Variants in DAB1 observed in about 807,000 individuals in gnomAD.
DAB1 encodes the protein DAB adaptor protein 1.
A neutral mutation model predicts 64.6 loss-of-function variants in DAB1; 15 were observed. The observed-to-expected ratio is 0.23, with a 90% CI of 0.16 to 0.36. DAB1 has a LOEUF of 0.36. Ranked by LOEUF, DAB1 falls within the 10% of genes least tolerant of loss-of-function variation. DAB1 has a pLI of 1.00. For missense variants in DAB1, 596 were observed against 706.7 expected (o/e 0.84, Z 1.78); for synonymous variants, 235 against 251.9 (o/e 0.93, Z 0.64).
intron 7 of DAB1, among the ~76,000 whole-genome samples, chr1:57,463,276 G>A (rs1290216968): frequency 6.6e-6 from 1 of 152,154 alleles, no homozygotes. Context: ...GCAAGGTTTA[G>A]AGCGAAGTGC....
At chr1:57,454,620 A>G (rs1299120432) in intron 7 of DAB1, among the ~76,000 whole-genome samples, 1 of 152,116 alleles carries the variant, frequency 6.6e-6, no homozygotes, top group Admixed American at 6.6e-5. Context: ...GAGTTTACCT[A>G]TTTAACAAAC....
intron 6 of DAB1, among the ~76,000 whole-genome samples, chr1:57,654,952 A>G (rs998198880): frequency 1.3e-5 from 2 of 152,334 alleles, no homozygotes; most frequent in Middle Eastern, 3.4e-3. Flanking sequence ...GTCAGAATTA[A>G]GTAACCTTTC....
At chr1:57,902,500 C>T (rs950975070) in intron 5 of DAB1, among the ~76,000 whole-genome samples, 7 of 152,136 alleles carry the variant, frequency 4.6e-5, no homozygotes, top group African/African-American at 1.7e-4. Flanking sequence ...GTCTCAATAA[C>T]GTCCTTTCAG....
chr1:58,236,358 A>G (rs1454594166), intron 4 of DAB1, among the ~76,000 whole-genome samples: 2 of 152,080 alleles, frequency 1.3e-5, no homozygotes, highest in East Asian at 3.9e-4. Context: ...AGGCCAACCA[A>G]TAAAACATTA....
intron 7 of DAB1, among the ~76,000 whole-genome samples, chr1:57,510,015 A>C (rs1055042978): frequency 3.3e-5 from 5 of 152,238 alleles, no homozygotes; most frequent in African/African-American, 1.2e-4. Context: ...AGGAAGTAAA[A>C]GCAAGAAGAT....
At chr1:57,268,376 T>G (rs1558057015) in intron 2 of DAB1, among the ~76,000 whole-genome samples, 1 of 152,242 alleles carries the variant, frequency 6.6e-6, no homozygotes, top group Non-Finnish European at 1.5e-5. Context: ...AATTAACATT[T>G]AAAGTGGGCT....
At chr1:57,328,691 G>T (rs1047111187) in intron 1 of DAB1, among the ~76,000 whole-genome samples, 2 of 152,130 alleles carry the variant, frequency 1.3e-5, no homozygotes, top group Non-Finnish European at 2.9e-5. Context: ...TCAATTCTAG[G>T]TCTTTTGACT....
intron 5 of DAB1, among the ~76,000 whole-genome samples, chr1:57,945,324 T>A (rs1193912774): frequency 6.6e-6 from 1 of 152,054 alleles, no homozygotes; most frequent in Non-Finnish European, 1.5e-5. Context: ...TAGTGGTTTG[T>A]TCATAGCTCA....
chr1:57,659,563 G>A (rs1030241419), intron 6 of DAB1, among the ~76,000 whole-genome samples: 10 of 152,144 alleles, frequency 6.6e-5, no homozygotes, highest in African/African-American at 2.4e-4. Context: ...CCTTGAACAA[G>A]TCACTTTCCT....
At chr1:57,238,794 G>T (rs757098289) in intron 2 of DAB1, among the ~76,000 whole-genome samples, 12 of 147,874 alleles carry the variant, frequency 8.1e-5, no homozygotes, top group Non-Finnish European at 1.8e-4. Context: ...GGGGAGAGAA[G>T]AAAAAATAAT....
intron 5 of DAB1, among the ~76,000 whole-genome samples, chr1:58,101,030 G>C (rs894462132): frequency 2.0e-5 from 3 of 152,170 alleles, no homozygotes; most frequent in Non-Finnish European, 4.4e-5. Context: ...AGAAAAGCCA[G>C]TCACAGCCGG....
rs539361107 is a variant in DAB1, at chr1:58,166,765, T to A, written n.310-16177A>T. Among the ~76,000 whole-genome samples, 305 of 146,434 alleles carry A rather than the reference T, an allele frequency of 2.1e-3. 2 individuals carry two copies. Among genetic ancestry groups the A allele is most frequent in the Non-Finnish European group, 3.5e-3 (233 of 66,788 alleles). On this transcript the variant is annotated intron_variant and non_coding_transcript_variant, in intron 4 of 20. Coordinates refer to the DAB1 transcript ENST00000485760. ...TTGTTTGTTCGTTTTTTTTTTTTTT[T>A]AATTTGAGACAGGGTCTTGCTCTGT... is the stretch of plus-strand genomic sequence containing the variant.
chr1:57,941,844 A>G lies in DAB1; in HGVS notation n.388-57682T>C, dbSNP rs1645110935. 2.0e-5 allele frequency among the ~76,000 whole-genome samples: 3 copies of G among 152,186 alleles called. No homozygotes were observed. The South Asian group carries it at 6.2e-4, about 32-fold the overall frequency. Reference sequence around the variant, plus strand: ...AGTGAGACTCCGTCTCTTAAAAAAAAAGAAAAGAAATCTAATGGGGTGGTG... The same window carrying G: ...AGTGAGACTCCGTCTCTTAAAAAAAGAGAAAAGAAATCTAATGGGGTGGTG... On this transcript the variant is annotated intron_variant and non_coding_transcript_variant, in intron 5 of 20. Transcript: ENST00000485760.
intron 6 of DAB1, among the ~76,000 whole-genome samples, chr1:57,742,938 A>G (rs1648071714): frequency 6.6e-6 from 1 of 152,170 alleles, no homozygotes; most frequent in Non-Finnish European, 1.5e-5. Flanking sequence ...AGTATGCCAT[A>G]CCCATGCCTT....
intron 7 of DAB1, among the ~76,000 whole-genome samples, chr1:57,436,070 C>T (rs952704931): frequency 3.3e-5 from 5 of 151,922 alleles, no homozygotes; most frequent in Non-Finnish European, 5.9e-5. Flanking sequence ...GCACCCGCCA[C>T]CAAAGCTGGC....
At chr1:57,458,009 A>G (rs1268084901) in intron 7 of DAB1, among the ~76,000 whole-genome samples, 2 of 152,050 alleles carry the variant, frequency 1.3e-5, no homozygotes, top group African/African-American at 2.4e-5. Flanking sequence ...ATAACAACAG[A>G]CTCACATCTA....
chr1:57,307,173 C>T (rs1294064867), intron 1 of DAB1: 1 of 152,212 alleles, frequency 6.6e-6, no homozygotes, highest in African/African-American at 2.4e-5. Context: ...TTGCCAAATA[C>T]CTTCTCTTTT....
intron 1 of DAB1, among the ~76,000 whole-genome samples, chr1:57,392,444 T>C (rs1682460686): frequency 1.3e-5 from 2 of 152,202 alleles, no homozygotes; most frequent in African/African-American, 2.4e-5. Flanking sequence ...GTTTTCTTCC[T>C]GCATTCAAAA....
chr1:57,678,768 GT>G (rs1020869562), intron 6 of DAB1, among the ~76,000 whole-genome samples: 2,935 of 141,576 alleles, frequency 0.021, 145 homozygotes, highest in African/African-American at 0.073. Context: ...ACTGTTTTTT[GT>G]TTTTTTTTTC....
Sources: allele counts gnomAD v4.1 joint callset (sites outside exome capture counted in the v4.1 genomes callset), GRCh38; gene constraint gnomAD v4.1.1; transcripts MANE v1.5; gene names NCBI Gene and HGNC (gene_info 2026-07-23, HGNC 2026-07-21).